The following DAB1 variants were observed in gnomAD, a reference collection of about 807,000 sequenced individuals.
DAB1 encodes disabled homolog 1.
DAB1 carries 15 observed loss-of-function variants against 64.6 expected under a neutral mutation model. The ratio of observed to expected loss-of-function variants is 0.23; its 90% CI spans 0.16 to 0.36. DAB1 has a LOEUF of 0.36. DAB1 is among the 10% of genes least tolerant of loss of function. DAB1 has a pLI of 1.00. For missense variants in DAB1, 596 were observed against 706.7 expected (o/e 0.84, Z 1.78); for synonymous variants, 235 against 251.9 (o/e 0.93, Z 0.64).
intron 6 of DAB1, among the ~76,000 whole-genome samples, chr1:57,732,032 A>G (rs1647452532): frequency 6.6e-6 from 1 of 152,152 alleles, no homozygotes. Context: ...AGGGAAGGGC[A>G]TTCTGGAATG....
At position 57,445,230 on chromosome 1, in the gene DAB1, T is replaced by A. The variant is rs188382615; in HGVS notation, n.626-154064A>T. Among the ~76,000 whole-genome samples the A allele has an allele frequency of 5.4e-3, 829 of 152,256 alleles. 3 individuals carry two copies. Among genetic ancestry groups the A allele is most frequent in the Non-Finnish European group, 9.0e-3 (612 of 68,006 alleles). Reference sequence around the variant, plus strand: ...GGGACTCATCTTACAAAAATAAGCATTTAAAAATGTTATGGGTATATAATA... The same window carrying A: ...GGGACTCATCTTACAAAAATAAGCAATTAAAAATGTTATGGGTATATAATA... On this transcript the variant is annotated intron_variant and non_coding_transcript_variant, in intron 7 of 20. Coordinates refer to the DAB1 transcript ENST00000485760.
chr1:57,821,805 A>AT (rs200242456), downstream of DAB1, among the ~76,000 whole-genome samples: 4,931 of 152,164 alleles, frequency 0.032, 101 homozygotes, highest in Non-Finnish European at 0.049. Context: ...ACCTTCTTCC[A>AT]TTTTTTTTAA....
At chr1:57,788,000 AC>A (rs1195324291) in intron 6 of DAB1, among the ~76,000 whole-genome samples, 2 of 150,192 alleles carry the variant, frequency 1.3e-5, no homozygotes, top group East Asian at 2.0e-4. Context: ...TAAAAAAAAA[AC>A]AAATGAGAAT....
intron 4 of DAB1, among the ~76,000 whole-genome samples, chr1:57,089,002 C>A (rs1470332779): frequency 6.6e-6 from 1 of 152,184 alleles, no homozygotes; most frequent in African/African-American, 2.4e-5. Flanking sequence ...AGAGGTCAAA[C>A]GCTGGCCTTT....
Position 57,073,826 on chromosome 1 carries a change from T to C in DAB1, c.307-1412A>G, listed in dbSNP as rs532173182. Among the ~76,000 whole-genome samples, 3 of 152,366 alleles carry C rather than the reference T, an allele frequency of 2.0e-5. No individual in the cohort carries two copies. The East Asian group carries it at 5.8e-4, about 29-fold the overall frequency. ...CTAAACAGAAATATGTAATTATTCC[T>C]AATAAGTCTACATATTTCTATGTGC... On this transcript the variant is annotated intron_variant, in intron 4 of 14. Coordinates refer to ENST00000371236, the MANE Select transcript of DAB1 (RefSeq NM_001365792.1).
intron 7 of DAB1, among the ~76,000 whole-genome samples, chr1:57,478,586 CTTTTTTTTTTT>C (rs35538831): frequency 1.2e-5 from 1 of 81,216 alleles, no homozygotes; most frequent in African/African-American, 5.3e-5. Flanking sequence ...TATTCCCATT[CTTTTTTTTTTT>C]TTTTTTTTTT....
chr1:58,089,765 G>T (rs1650529807), intron 5 of DAB1, among the ~76,000 whole-genome samples: 1 of 152,218 alleles, frequency 6.6e-6, no homozygotes. Context: ...GAAAGTTAAA[G>T]AAGGGGCACT....
chr1:57,800,278 T>C (rs1415883729), intron 6 of DAB1, among the ~76,000 whole-genome samples: 1 of 152,118 alleles, frequency 6.6e-6, no homozygotes, highest in Non-Finnish European at 1.5e-5. Context: ...ATTCAAGAGA[T>C]GTGCTGGAGA....
intron 3 of DAB1, among the ~76,000 whole-genome samples, chr1:58,377,182 TA>T (rs1455740104): frequency 1.3e-5 from 2 of 151,170 alleles, no homozygotes; most frequent in Non-Finnish European, 2.9e-5. Flanking sequence ...CATTTACAAT[TA>T]AAATTAATCT....
At chr1:58,377,693 G>A (rs11207212) in intron 3 of DAB1, among the ~76,000 whole-genome samples, 3,508 of 138,182 alleles carry the variant, frequency 0.025, 245 homozygotes, top group African/African-American at 0.095. Flanking sequence ...TCTTTGTGGT[G>A]TTCTCTGTAT....
At chr1:57,901,930 C>A (rs1644479734) in intron 5 of DAB1, among the ~76,000 whole-genome samples, 1 of 151,952 alleles carries the variant, frequency 6.6e-6, no homozygotes, top group East Asian at 1.9e-4. Context: ...GTAAAACATT[C>A]TTTGTATTAA....
chr1:58,535,658 G>A (rs1053026096), intron 1 of DAB1, among the ~76,000 whole-genome samples: 2 of 150,516 alleles, frequency 1.3e-5, no homozygotes, highest in Non-Finnish European at 3.0e-5. Context: ...TACTGGACAT[G>A]AATTCGAAAA....
chr1:58,534,625 C>G (rs1379651823), intron 1 of DAB1, among the ~76,000 whole-genome samples: 1 of 152,186 alleles, frequency 6.6e-6, no homozygotes, highest in African/African-American at 2.4e-5. Context: ...TTTCTACTTT[C>G]CTAAACATTT....
intron 7 of DAB1, among the ~76,000 whole-genome samples, chr1:57,557,068 A>C (rs559345799): frequency 6.6e-6 from 1 of 152,300 alleles, no homozygotes; most frequent in Non-Finnish European, 1.5e-5. Context: ...ATTGAAGGAC[A>C]TAAAGTATTG....
At chr1:58,426,654 G>A (rs1161220297) in intron 3 of DAB1, among the ~76,000 whole-genome samples, 1 of 152,202 alleles carries the variant, frequency 6.6e-6, no homozygotes, top group African/African-American at 2.4e-5. Flanking sequence ...TGCCCTTGTG[G>A]AGATTACATT....
intron 3 of DAB1, among the ~76,000 whole-genome samples, chr1:57,138,820 C>G (rs1159126674): frequency 6.6e-6 from 1 of 152,182 alleles, no homozygotes; most frequent in Non-Finnish European, 1.5e-5. Context: ...CAATTTCCTC[C>G]TGGAAGTTAC....
chr1:58,484,479 A>G (rs1419532840), intron 3 of DAB1, among the ~76,000 whole-genome samples: 1 of 152,192 alleles, frequency 6.6e-6, no homozygotes, highest in Admixed American at 6.5e-5. Flanking sequence ...AGTTATTCAC[A>G]TAACATTTCA....
chr1:58,482,135 A>G (rs1268331526), intron 3 of DAB1, among the ~76,000 whole-genome samples: 3 of 152,232 alleles, frequency 2.0e-5, no homozygotes, highest in African/African-American at 7.2e-5. Context: ...GATGAAACCA[A>G]AAAGTACAAT....
intron 7 of DAB1, among the ~76,000 whole-genome samples, chr1:57,487,948 A>G (rs1422986967): frequency 1.3e-5 from 2 of 152,202 alleles, no homozygotes; most frequent in Non-Finnish European, 2.9e-5. Context: ...TCCATTATAC[A>G]TAATATTGTA....
Sources: allele counts gnomAD v4.1 joint callset (sites outside exome capture counted in the v4.1 genomes callset), GRCh38; gene constraint gnomAD v4.1.1; transcripts MANE v1.5; gene names NCBI Gene and HGNC (gene_info 2026-07-23, HGNC 2026-07-21).